RBPJ: variants seen among roughly 807,000 people sequenced by gnomAD.
RBPJ encodes the protein recombining binding protein suppressor of hairless.
Under a neutral mutation model 67.8 loss-of-function variants are expected in RBPJ, and 9 were observed. The ratio of observed to expected loss-of-function variants is 0.13; its 90% CI spans 0.08 to 0.23. The LOEUF (loss-of-function observed/expected upper bound fraction) is 0.23. Ranked by LOEUF, RBPJ falls within the 10% of genes least tolerant of loss-of-function variation. The probability of loss-of-function intolerance (pLI) is 1.00; values close to 1 mark genes in which losing one functional copy is unlikely to be tolerated. For missense variants in RBPJ, 305 were observed against 595.6 expected (o/e 0.51, Z 5.08); for synonymous variants, 198 against 203.3 (o/e 0.97, Z 0.22).
At chr4:26,211,739 G>C (rs1018353230) in intron 1 of RBPJ, among the ~76,000 whole-genome samples, 1 of 152,076 alleles carries the variant, frequency 6.6e-6, no homozygotes, top group Non-Finnish European at 1.5e-5. Flanking sequence ...ACCTGTTATA[G>C]GTTAAATTGT....
chr4:26,308,844 A>G (rs575086855), intron 1 of RBPJ, among the ~76,000 whole-genome samples: 31 of 152,322 alleles, frequency 2.0e-4, no homozygotes, highest in Non-Finnish European at 4.1e-4. Context: ...TGAAAGAGTG[A>G]TAAAGGCCAT....
chr4:26,165,483 G>T (rs1005186425), intron 1 of RBPJ, among the ~76,000 whole-genome samples: 3 of 152,020 alleles, frequency 2.0e-5, no homozygotes, highest in Non-Finnish European at 4.4e-5. Flanking sequence ...AATAGGCAAG[G>T]GTTACCTAGG....
At position 26,424,291 on chromosome 4, in the gene RBPJ, T is replaced by A. The variant is rs762072504; in HGVS notation, c.497-51T>A. ...AGCAGAATTTCCTTCTTTTGCTCCC[T>A]CCCCACCTTCTGCTCCAATCACATA... On this transcript the variant is annotated intron_variant, in intron 5 of 10. Transcript: ENST00000355476. The surrounding 1 kb of genome is among the most constrained non-coding windows in gnomAD (Gnocchi z 5.3). 1 of 1,584,572 alleles carries A rather than the reference T, an allele frequency of 6.3e-7. No individual in the cohort carries two copies. The highest frequency in any genetic ancestry group is 2.2e-5 in the East Asian group (1 of 44,540).
intron 1 of RBPJ, among the ~76,000 whole-genome samples, chr4:26,352,140 ACT>A (rs1222708594): frequency 6.6e-6 from 1 of 152,166 alleles, no homozygotes; most frequent in Non-Finnish European, 1.5e-5. Flanking sequence ...AGTTTACCTT[ACT>A]GTCTTTGTCT....
the RBPJ span, among the ~76,000 whole-genome samples, chr4:26,140,119 A>C: frequency 6.6e-6 from 1 of 152,214 alleles, no homozygotes; most frequent in Non-Finnish European, 1.5e-5. Context: ...CAGTGAACTC[A>C]TATGGATAAA....
At chr4:26,282,666 G>A (rs569987429) in intron 1 of RBPJ, among the ~76,000 whole-genome samples, 5 of 150,868 alleles carry the variant, frequency 3.3e-5, no homozygotes, top group African/African-American at 7.3e-5. Flanking sequence ...GATTACAGGC[G>A]CATGCCACCA....
rs113981752 is a variant in RBPJ, at chr4:26,301,939, T to C, written c.-166-60507T>C. On this transcript the variant is annotated intron_variant, in intron 1 of 4. Transcript: ENST00000512351. ...TCCCGAGTAGCTGGGATTATAGGTG[T>C]GCGCCACCAGGCCCAGCTATTTTTT... Among the ~76,000 whole-genome samples, 1,120 of 152,124 alleles carry C rather than the reference T, an allele frequency of 7.4e-3. 12 individuals are homozygous for C. Among genetic ancestry groups the C allele is most frequent in the African/African-American group, 0.025 (1,051 of 41,504 alleles).
chr4:26,279,657 C>T (rs1382597424), intron 1 of RBPJ, among the ~76,000 whole-genome samples: 1 of 152,118 alleles, frequency 6.6e-6, no homozygotes, highest in East Asian at 1.9e-4. Flanking sequence ...AAGACCAGTC[C>T]AGACAAGCGG....
At chr4:26,259,419 C>T (rs1008497579) in intron 1 of RBPJ, among the ~76,000 whole-genome samples, 4 of 152,214 alleles carry the variant, frequency 2.6e-5, no homozygotes, top group Non-Finnish European at 4.4e-5. Context: ...GACCTTTGCT[C>T]TTGATTAGTC....
intron 1 of RBPJ, among the ~76,000 whole-genome samples, chr4:26,340,862 AAAAAC>A (rs768652006): frequency 6.6e-5 from 10 of 151,710 alleles, no homozygotes; most frequent in Non-Finnish European, 1.2e-4. Context: ...CGTCTCAAAA[AAAAAC>A]AAAAGAAAAA....
At chr4:26,324,893 G>A (rs768590781) in intron 1 of RBPJ, among the ~76,000 whole-genome samples, 1 of 152,182 alleles carries the variant, frequency 6.6e-6, no homozygotes, top group Non-Finnish European at 1.5e-5. Flanking sequence ...AGCCAAGTCT[G>A]TTAATAGCAG....
chr4:26,213,226 GGC>G, intron 1 of RBPJ, among the ~76,000 whole-genome samples: 1 of 152,248 alleles, frequency 6.6e-6, no homozygotes. Context: ...TATCCCAGGT[GGC>G]TAGCATCAGA....
chr4:26,410,816 A>G (rs973426082), intron 3 of RBPJ, among the ~76,000 whole-genome samples: 1 of 152,230 alleles, frequency 6.6e-6, no homozygotes, highest in Non-Finnish European at 1.5e-5. Flanking sequence ...ATTTGAGGAA[A>G]TCAGTGGTTG....
At chr4:26,113,424 GA>G in the RBPJ span, 4 of 546,572 alleles carry the variant, frequency 7.3e-6, no homozygotes, top group East Asian at 3.9e-5. Flanking sequence ...ACTGAATGGG[GA>G]AAAGCCTTTT....
chr4:26,134,884 C>T, the RBPJ span, among the ~76,000 whole-genome samples: 1 of 152,170 alleles, frequency 6.6e-6, no homozygotes, highest in East Asian at 1.9e-4. Flanking sequence ...TCAAGATCGT[C>T]AAGTCTCCAT....
rs554548187 is a variant in RBPJ at position 26,198,025 on chromosome 4, A to AG, written c.-167+34417dup. 2.6e-4 allele frequency among the ~76,000 whole-genome samples: 39 copies of AG among 152,194 alleles called. No homozygotes were observed. The East Asian group carries it at 4.2e-3, about 17-fold the overall frequency. On this transcript the variant is annotated intron_variant, in intron 1 of 4. Transcript: ENST00000512351. ...GTAATCCCAGCACTTTGGGAGGCCGAGGGGGGTGGATCACCTGAGGTCAGG... is the reference window on the plus strand; with the variant it reads ...GTAATCCCAGCACTTTGGGAGGCCGAGGGGGGGTGGATCACCTGAGGTCAGG...
intron 1 of RBPJ, among the ~76,000 whole-genome samples, chr4:26,269,980 A>G (rs1330582432): frequency 6.6e-6 from 1 of 151,960 alleles, no homozygotes; most frequent in African/African-American, 2.4e-5. Flanking sequence ...GTTCCTCGCC[A>G]TGGGAAATTG....
intron 1 of RBPJ, among the ~76,000 whole-genome samples, chr4:26,252,718 A>T (rs1172134918): frequency 6.6e-6 from 1 of 152,206 alleles, no homozygotes; most frequent in Non-Finnish European, 1.5e-5. Context: ...TCAACACAGA[A>T]TTTTCAGACC....
At chr4:26,199,142 G>A (rs1042070374) in intron 1 of RBPJ, among the ~76,000 whole-genome samples, 59 of 152,300 alleles carry the variant, frequency 3.9e-4, no homozygotes, top group African/African-American at 1.3e-3. Context: ...TCTGAGAGAA[G>A]TGATTAAGAA....
Sources: allele counts gnomAD v4.1 joint callset (sites outside exome capture counted in the v4.1 genomes callset), GRCh38; gene constraint gnomAD v4.1.1; non-coding constraint Gnocchi (gnomAD v3.1); transcripts MANE v1.5; gene names NCBI Gene and HGNC (gene_info 2026-07-23, HGNC 2026-07-21).